The following MRPL22 variants were observed in gnomAD, a reference collection of about 807,000 sequenced individuals.
The protein encoded by MRPL22 is mitochondrial ribosomal protein L22, also known as large ribosomal subunit protein uL22m.
MRPL22 carries 27 observed loss-of-function variants against 32.4 expected under a neutral mutation model. The observed-to-expected ratio is 0.83, with a 90% CI of 0.61 to 1.15. The LOEUF (loss-of-function observed/expected upper bound fraction) is 1.15. MRPL22 is among the 50% of genes most tolerant of loss of function. The pLI, the probability that MRPL22 is intolerant of heterozygous loss-of-function variation, is 0.00. For missense variants in MRPL22, 239 were observed against 260.2 expected (o/e 0.92, Z 0.56); for synonymous variants, 86 against 87.3 (o/e 0.99, Z 0.08).
intron 3 of MRPL22, among the ~76,000 whole-genome samples, 188 bp downstream of exon 3, chr5:154,951,126 C>A (rs112280757): frequency 1.4e-4 from 21 of 152,306 alleles, no homozygotes; most frequent in African/African-American, 4.8e-4. Context: ...TTTGTCTTTA[C>A]TTAACCTCCT....
chr5:154,944,993 A>G (rs1351921692), intron 2 of MRPL22, among the ~76,000 whole-genome samples: 3 of 152,204 alleles, frequency 2.0e-5, no homozygotes, highest in Non-Finnish European at 4.4e-5. Flanking sequence ...ATAGAGCCTT[A>G]TTATTTTTTG....
At chr5:154,966,658 C>T in intron 6 of MRPL22, 28 bp from the exon 7 acceptor site, 2 of 1,610,108 alleles carry the variant, frequency 1.2e-6, no homozygotes, top group East Asian at 2.2e-5. Context: ...CACTCATTTC[C>T]TGTAATTCTC....
intron 3 of MRPL22, among the ~76,000 whole-genome samples, chr5:154,951,328 T>TTTTGTTTGTTTG (rs139854722): frequency 6.6e-6 from 1 of 152,000 alleles, no homozygotes; most frequent in South Asian, 2.1e-4. Context: ...ACACACTGTT[T>TTTTGTTTGTTTG]TTTGTTTGTT....
intron 6 of MRPL22, 111 bp from the exon 7 acceptor site, chr5:154,966,575 G>C: frequency 8.9e-7 from 1 of 1,120,704 alleles, no homozygotes; most frequent in East Asian, 2.4e-5. Context: ...TAGCCAACCA[G>C]TGAGCCCATG....
intron 2 of MRPL22, among the ~76,000 whole-genome samples, chr5:154,942,859 T>C (rs191425134): frequency 1.3e-5 from 2 of 152,348 alleles, no homozygotes; most frequent in Admixed American, 1.3e-4. Flanking sequence ...TGATTTGAAT[T>C]GTCTTGCACC....
chr5:154,956,549 G>A (rs2113540829), intron 4 of MRPL22, 113 bp downstream of exon 4: 2 of 685,912 alleles, frequency 2.9e-6, no homozygotes, highest in Non-Finnish European at 5.0e-6. Context: ...TGTGAGGAAT[G>A]TGATATAATT....
intron 3 of MRPL22, chr5:154,955,123 G>C (rs1764615010): frequency 6.6e-6 from 1 of 152,178 alleles, no homozygotes. Flanking sequence ...AGATTTCATT[G>C]AGTGGATTAA....
At chr5:154,941,596 G>A (rs1420766898) in intron 2 of MRPL22, among the ~76,000 whole-genome samples, 1 of 152,186 alleles carries the variant, frequency 6.6e-6, no homozygotes, top group Non-Finnish European at 1.5e-5. Flanking sequence ...TTGCTTACAT[G>A]GGCAGGGACC....
chr5:154,942,936 A>G (rs989203084), intron 2 of MRPL22, among the ~76,000 whole-genome samples: 2 of 152,226 alleles, frequency 1.3e-5, no homozygotes, highest in Non-Finnish European at 2.9e-5. Flanking sequence ...CCTCTATGTC[A>G]TGATACAAGA....
chr5:154,960,910 A>T (rs1764694921), intron 6 of MRPL22, among the ~76,000 whole-genome samples: 1 of 152,348 alleles, frequency 6.6e-6, no homozygotes, highest in Non-Finnish European at 1.5e-5. Context: ...CCATACCAAC[A>T]TATAAAGATT....
At chr5:154,950,552 T>C (rs946615515) in intron 2 of MRPL22, among the ~76,000 whole-genome samples, 3 of 152,222 alleles carry the variant, frequency 2.0e-5, no homozygotes, top group African/African-American at 7.2e-5. Flanking sequence ...GACAGTGTTA[T>C]TGGCCAGTCA....
chr5:154,952,230 C>A (rs1764573732), intron 3 of MRPL22, among the ~76,000 whole-genome samples: 1 of 152,082 alleles, frequency 6.6e-6, no homozygotes, highest in Non-Finnish European at 1.5e-5. Flanking sequence ...TTGTCAAGTC[C>A]AGAATCTATA....
In MRPL22 at chr5:154,941,132, C is replaced by G. The variant is rs780602140; in HGVS notation, c.22C>G (p.Gln8Glu). Residue 8 changes from glutamine to glutamate, a missense_variant, in exon 1 of 7, where the codon CAG becomes GAG. By Grantham distance (29) the Gln-to-Glu change is conservative. Coordinates refer to ENST00000523037, the MANE Select transcript of MRPL22 (RefSeq NM_014180.4). ...AAAGATGGCGGCGGCAGTACTGGGA[C>G]AGTTGGGTAAGGATTTCTTAGTGGT... MAAAVLG[Q>E]LGALWIHNLR... The G allele has an allele frequency of 2.5e-6, 4 of 1,614,012 alleles. No homozygotes were observed. Among genetic ancestry groups the G allele is most frequent in the Non-Finnish European group, 2.5e-6 (3 of 1,180,028 alleles).
intron 2 of MRPL22, among the ~76,000 whole-genome samples, chr5:154,947,782 T>G (rs1390973899): frequency 6.6e-6 from 1 of 152,218 alleles, no homozygotes; most frequent in African/African-American, 2.4e-5. Flanking sequence ...GTCTAAGTCA[T>G]TGCTGTATGG....
intron 3 of MRPL22, among the ~76,000 whole-genome samples, chr5:154,954,038 A>G (rs1252961645): frequency 3.3e-5 from 5 of 149,678 alleles, no homozygotes; most frequent in Non-Finnish European, 7.4e-5. Context: ...TGCCCAGGCT[A>G]GAGCACAGTT....
At chr5:154,963,208 G>T (rs1764726597) in intron 6 of MRPL22, among the ~76,000 whole-genome samples, 1 of 152,188 alleles carries the variant, frequency 6.6e-6, no homozygotes, top group South Asian at 2.1e-4. Flanking sequence ...CAAGATTTTG[G>T]GATTACAGGC....
intron 5 of MRPL22, among the ~76,000 whole-genome samples, chr5:154,957,805 T>G (rs1227880758): frequency 1.3e-5 from 2 of 152,074 alleles, no homozygotes; most frequent in Non-Finnish European, 2.9e-5. Context: ...CCCCTAAAGA[T>G]CCTTCCAACT....
chr5:154,954,464 G>T lies in MRPL22; in HGVS notation c.196-1907G>T, dbSNP rs368638853. On this transcript the variant is annotated intron_variant, in intron 3 of 6. Transcript: ENST00000523037. Reference sequence around the variant, plus strand: ...CTCACTTTATCTAATTTGCTGTATAGGTCAGTTAATGGCAGAGATATATAA... The same window carrying T: ...CTCACTTTATCTAATTTGCTGTATATGTCAGTTAATGGCAGAGATATATAA... Among the ~76,000 whole-genome samples, 10 of 152,192 alleles carry T rather than the reference G, an allele frequency of 6.6e-5. No individual in the cohort carries two copies. The East Asian group carries it at 1.7e-3, about 26-fold the overall frequency.
intron 5 of MRPL22, 37 bp from the exon 6 acceptor site, chr5:154,959,943 T>G (rs1295956608): frequency 1.4e-6 from 2 of 1,468,384 alleles, no homozygotes; most frequent in African/African-American, 2.8e-5. Context: ...TTACTTCAGG[T>G]TTAGCCGTAT....
Sources: gnomAD v4.1 joint callset for allele counts (sites outside exome capture counted in the v4.1 genomes callset) on GRCh38, gnomAD v4.1.1 for gene constraint, MANE v1.5 for transcripts, NCBI Gene and HGNC (gene_info 2026-07-23, HGNC 2026-07-21) for gene names.